The following ABLIM2 variants were observed in gnomAD, a reference collection of about 807,000 sequenced individuals.
ABLIM2 encodes the protein actin binding LIM protein family member 2, also known as actin-binding LIM protein 2.
Under a neutral mutation model 97.7 loss-of-function variants are expected in ABLIM2, and 53 were observed. That is an observed-to-expected ratio of 0.54 (90% confidence interval 0.44 to 0.68). The LOEUF (loss-of-function observed/expected upper bound fraction) is 0.68. Among genes scored for constraint, ABLIM2 ranks in the 30% least tolerant of loss-of-function variants. The pLI, the probability that ABLIM2 is intolerant of heterozygous loss-of-function variation, is 0.00. For missense variants in ABLIM2, 835 were observed against 867.2 expected (o/e 0.96, Z 0.47); for synonymous variants, 361 against 345.8 (o/e 1.04, Z -0.49).
In ABLIM2 at chr4:8,125,826, G is replaced by A. The variant is rs895362740; in HGVS notation, c.11-19189C>T. 1.1e-4 allele frequency among the ~76,000 whole-genome samples: 17 copies of A among 152,320 alleles called. No individual in the cohort carries two copies. The highest frequency in any genetic ancestry group is 4.1e-4 in the African/African-American group (17 of 41,582). On this transcript the variant is annotated intron_variant, in intron 1 of 20. Transcript: ENST00000447017. This position sits in a 1 kb window ranked among gnomAD's most constrained non-coding sequence, Gnocchi z 6.2. The stretch of plus-strand genomic sequence containing the variant: ...CCACGGCTGTCCTCAGAATGCTCCA[G>A]CACCCCAGCCATGCCAGCTCGTCCT...
At position 7,998,249 on chromosome 4, in the gene ABLIM2, T is replaced by G. The variant is rs1754750236; in HGVS notation, c.1619-5322A>C. ...TGTTCTTGGTGTGACGGGTAATTTT[T>G]CTGCAGTATCCTGGGCATTTTGGAT... On this transcript the variant is annotated intron_variant, in intron 16 of 20. Transcript: ENST00000447017. The surrounding 1 kb of genome is among the most constrained non-coding windows in gnomAD (Gnocchi z 6.4). Among the ~76,000 whole-genome samples, 1 of 152,192 alleles carries G rather than the reference T, an allele frequency of 6.6e-6. No homozygotes were observed. The highest frequency in any genetic ancestry group is 2.4e-5 in the African/African-American group (1 of 41,454).
At position 8,113,468 on chromosome 4, in the gene ABLIM2, C is replaced by T. The variant is rs573258784; in HGVS notation, c.11-6831G>A. Among the ~76,000 whole-genome samples the T allele has an allele frequency of 6.6e-6, 1 of 152,298 alleles. No individual in the cohort carries two copies. Among genetic ancestry groups the T allele is most frequent in the South Asian group, 2.1e-4 (1 of 4,822 alleles). Reference sequence around the variant, plus strand: ...TTTAGTTCCACCCTTCTCTAAGGGCCCAGTGAACTTTGGACCTCTGAGCAT... The same window carrying T: ...TTTAGTTCCACCCTTCTCTAAGGGCTCAGTGAACTTTGGACCTCTGAGCAT... On this transcript the variant is annotated intron_variant, in intron 1 of 20. Transcript: ENST00000447017. This position sits in a 1 kb window ranked among gnomAD's most constrained non-coding sequence, Gnocchi z 4.5.
chr4:8,115,490 A>T (rs2152824399), intron 1 of ABLIM2, among the ~76,000 whole-genome samples: 1 of 152,218 alleles, frequency 6.6e-6, no homozygotes, highest in East Asian at 1.9e-4. Context: ...GTGCTTGGGG[A>T]ACAGGATGAA....
At chr4:8,117,233 G>T (rs1843160035) in intron 1 of ABLIM2, among the ~76,000 whole-genome samples, 1 of 152,208 alleles carries the variant, frequency 6.6e-6, no homozygotes, top group African/African-American at 2.4e-5. Context: ...TTAGTGACCA[G>T]CCCAAAGCCA....
At chr4:8,104,434 T>C (rs542869787) in intron 2 of ABLIM2, among the ~76,000 whole-genome samples, 2 of 152,142 alleles carry the variant, frequency 1.3e-5, no homozygotes, top group African/African-American at 2.4e-5. Context: ...CAGGGTGCTA[T>C]GGGGAGAATT....
chr4:8,115,459 C>A (rs1269192651), intron 1 of ABLIM2, among the ~76,000 whole-genome samples: 1 of 152,182 alleles, frequency 6.6e-6, no homozygotes, highest in African/African-American at 2.4e-5. Context: ...CAGCCCCCTG[C>A]CAGTGCCTGA....
chr4:8,053,405 T>C (rs571842480), intron 8 of ABLIM2, among the ~76,000 whole-genome samples: 47 of 152,226 alleles, frequency 3.1e-4, no homozygotes, highest in Non-Finnish European at 6.9e-4. Context: ...CTTGCACACA[T>C]ATCACCAGGA....
At chr4:7,984,994 C>A (rs963745801) in intron 17 of ABLIM2, 101 bp from the exon 18 acceptor site, 6 of 1,271,822 alleles carry the variant, frequency 4.7e-6, no homozygotes, top group Non-Finnish European at 6.6e-6. Flanking sequence ...CCGAGGTCCT[C>A]GTGCTGCCTG....
chr4:8,152,780 A>G (rs1351620898), intron 1 of ABLIM2, among the ~76,000 whole-genome samples: 1 of 152,178 alleles, frequency 6.6e-6, no homozygotes, highest in East Asian at 1.9e-4. Context: ...AACCTCTGTG[A>G]GCCTCTACCA....
intron 1 of ABLIM2, among the ~76,000 whole-genome samples, chr4:8,107,805 G>T (rs141301789): frequency 6.6e-6 from 1 of 152,218 alleles, no homozygotes; most frequent in Admixed American, 6.5e-5. Context: ...GGGATATGAT[G>T]TGATCGTCTA....
intron 18 of ABLIM2, among the ~76,000 whole-genome samples, chr4:7,983,940 A>T (rs1044048150): frequency 6.6e-6 from 1 of 152,224 alleles, no homozygotes; most frequent in Non-Finnish European, 1.5e-5. Context: ...GTGGAGACTG[A>T]CATCTTGCTA....
intron 5 of ABLIM2, 101 bp from the exon 6 acceptor site, chr4:8,077,822 A>C: frequency 1.0e-6 from 1 of 961,072 alleles, no homozygotes. Context: ...AAAGTGGGGG[A>C]ATGCCCACCT....
chr4:8,154,757 G>C (rs1198298903), intron 1 of ABLIM2, among the ~76,000 whole-genome samples: 1 of 152,214 alleles, frequency 6.6e-6, no homozygotes, highest in Admixed American at 6.5e-5. Context: ...CCCAGGGCCT[G>C]GAGCAGCGTG....
rs1479928571 is a variant in ABLIM2, at chr4:8,091,323, ATATATAT to A, written c.339-3046_339-3040del. ...TATTATATTATATATATATAATTAT[ATATATAT>A]TATATATATAATATATATATAATTA... On this transcript the variant is annotated intron_variant, in intron 3 of 20. Transcript: ENST00000447017. Among the ~76,000 whole-genome samples, 8 of 26,008 alleles carry A rather than the reference ATATATAT, an allele frequency of 3.1e-4. 1 individual carries two copies. Among genetic ancestry groups the A allele is most frequent in the Admixed American group, 7.0e-4 (1 of 1,432 alleles). The allele number at this position is 26,008 out of a possible 152,430, so 17.1% of individuals were successfully genotyped here.
intron 18 of ABLIM2, 133 bp from the exon 19 acceptor site, chr4:7,983,687 A>G: frequency 8.9e-7 from 1 of 1,126,114 alleles, no homozygotes; most frequent in South Asian, 1.3e-5. Context: ...ATGGTCCCCG[A>G]GCAGCCTGCA....
rs78429137 is a variant in ABLIM2 at position 8,120,334 on chromosome 4, T to C, written c.11-13697A>G. On this transcript the variant is annotated intron_variant, in intron 1 of 20. Transcript: ENST00000447017. This position sits in a 1 kb window ranked among gnomAD's most constrained non-coding sequence, Gnocchi z 5.6. ...GAGACGGGGCCTTCAAAGGTGTCGTTATGGTAAAGCAAGGTGATCTGGAGG... is the reference window on the plus strand; with the variant it reads ...GAGACGGGGCCTTCAAAGGTGTCGTCATGGTAAAGCAAGGTGATCTGGAGG... Among the ~76,000 whole-genome samples the C allele has an allele frequency of 9.9e-3, 1,509 of 152,072 alleles. 22 individuals are homozygous for C. The highest frequency in any genetic ancestry group is 0.035 in the African/African-American group (1,443 of 41,476).
rs1317657162 is a variant in ABLIM2, at chr4:7,996,546, C to G, written c.1619-3619G>C. Among the ~76,000 whole-genome samples the G allele has an allele frequency of 1.3e-5, 2 of 152,208 alleles. No individual in the cohort carries two copies. Among genetic ancestry groups the G allele is most frequent in the East Asian group, 3.9e-4 (2 of 5,192 alleles). ...GACGTCTTCTGTTTCCCCTGAGCAC[C>G]CGTATCAGATGGTGCTAGAAATTCT... On this transcript the variant is annotated intron_variant, in intron 16 of 20. Transcript: ENST00000447017. The surrounding 1 kb of genome is among the most constrained non-coding windows in gnomAD (Gnocchi z 4.5).
chr4:8,099,218 A>G (rs1056012369), intron 2 of ABLIM2, among the ~76,000 whole-genome samples: 2 of 152,192 alleles, frequency 1.3e-5, no homozygotes, highest in African/African-American at 4.8e-5. Flanking sequence ...AACTGGGGAG[A>G]AGCAGAGACT....
Position 8,022,568 on chromosome 4 carries a change from A to AC in ABLIM2, c.1268-2266dup, listed in dbSNP as rs1230053624. Reference sequence around the variant, plus strand: ...GCCACCTCGGTCCCTCCCTCCCAGCACCCCGCCCCTTGACGAGTGTCCTCT... The same window carrying AC: ...GCCACCTCGGTCCCTCCCTCCCAGCACCCCCGCCCCTTGACGAGTGTCCTCT... On this transcript the variant is annotated intron_variant, in intron 12 of 20. Transcript: ENST00000447017. The surrounding 1 kb of genome is among the most constrained non-coding windows in gnomAD (Gnocchi z 7.8). The AC allele has an allele frequency of 2.0e-5, 3 of 151,702 alleles. No homozygotes were observed. Among genetic ancestry groups the AC allele is most frequent in the Non-Finnish European group, 2.9e-5 (2 of 68,090 alleles). The allele number at this position is 151,702 out of a possible 1,614,324, so 9.4% of individuals were successfully genotyped here.
Sources: gnomAD v4.1 joint callset for allele counts (sites outside exome capture counted in the v4.1 genomes callset) on GRCh38, gnomAD v4.1.1 for gene constraint, Gnocchi (gnomAD v3.1) non-coding constraint, MANE v1.5 for transcripts, NCBI Gene and HGNC (gene_info 2026-07-23, HGNC 2026-07-21) for gene names.